The following NUDT12 variants were observed in gnomAD, a reference collection of about 807,000 sequenced individuals.
NUDT12 encodes NAD-capped RNA hydrolase NUDT12.
A neutral mutation model predicts 45.7 loss-of-function variants in NUDT12; 42 were observed. The observed-to-expected ratio is 0.92, with a 90% confidence interval of 0.72 to 1.19. The LOEUF is 1.19. Ranked by LOEUF, NUDT12 falls within the 50% of genes most tolerant of loss-of-function variation. The pLI is 0.00. For missense variants in NUDT12, 590 were observed against 533.1 expected (o/e 1.11, Z -1.05); for synonymous variants, 206 against 179.7 (o/e 1.15, Z -1.17).
rs762186408 is a variant in NUDT12, at chr5:103,558,889, T to G, written c.786A>C (p.Glu262Asp). 6.4e-7 allele frequency: 1 copy of G among 1,560,182 alleles called. No individual in the cohort carries two copies. The highest frequency in any genetic ancestry group is 8.6e-7 in the Non-Finnish European group (1 of 1,158,912). ...GCATTCATTTCTTACCAGCTTCTTTTTCTTTCAATTGCAGAAGGGCTGGCA... is the reference window on the plus strand; with the variant it reads ...GCATTCATTTCTTACCAGCTTCTTTGTCTTTCAATTGCAGAAGGGCTGGCA... ...PPMPALLQLKEKEAGVVAQAR... is the reference protein window; with the variant it reads ...PPMPALLQLKDKEAGVVAQAR... The change falls in exon 3 of 7, where the codon GAA becomes GAC. Residue 262 changes from glutamate (E) to aspartate (D), a missense_variant. Coordinates refer to ENST00000230792, the MANE Select transcript of NUDT12 (RefSeq NM_031438.4).
intron 5 of NUDT12, among the ~76,000 whole-genome samples, chr5:103,552,647 A>G (rs1055570803): frequency 6.6e-6 from 1 of 152,212 alleles, no homozygotes; most frequent in Non-Finnish European, 1.5e-5. Context: ...TTTAAGGTAC[A>G]AATTTGTCAG....
intron 5 of NUDT12, among the ~76,000 whole-genome samples, chr5:103,553,211 T>G (rs374413731): frequency 6.6e-6 from 1 of 152,016 alleles, no homozygotes; most frequent in South Asian, 2.1e-4. Context: ...AATATAATTA[T>G]AGACTAGTGT....
chr5:103,557,334 G>A lies in NUDT12; in HGVS notation c.797-1236C>T, dbSNP rs566623696. On this transcript the variant is annotated intron_variant, in intron 3 of 6. Coordinates refer to ENST00000230792, the MANE Select transcript of NUDT12 (RefSeq NM_031438.4). The stretch of plus-strand genomic sequence containing the variant: ...AAAGAAAATAAATTTTCTTAAAAAA[G>A]TTTGATGATTTCTCCACAGGTGTGG... Among the ~76,000 whole-genome samples, 368 of 130,324 alleles carry A rather than the reference G, an allele frequency of 2.8e-3. 3 individuals carry two copies. The highest frequency in any genetic ancestry group is 4.7e-3 in the Non-Finnish European group (285 of 60,746). The allele number at this position is 130,324 out of a possible 152,430, so 85.5% of individuals were successfully genotyped here. A position where few individuals can be genotyped will look rare whatever the true frequency, so the allele number is the denominator to read the frequency against.
In NUDT12 at chr5:103,552,331, T is replaced by G. The variant is rs781416184; in HGVS notation, c.1164A>C (p.Gln388His). The change falls in exon 6 of 7, where the codon CAA becomes CAC. Residue 388 changes from glutamine (Q) to histidine (H), a missense_variant. Coordinates refer to ENST00000230792, the MANE Select transcript of NUDT12 (RefSeq NM_031438.4). ...TTAAGGAGGAAGGCATTGGCCATGG[T>G]TGACAAGCAACATACTGAACATGGC... ...KVGHVQYVAC[Q>H]PWPMPSSLMI... 6.2e-7 allele frequency: 1 copy of G among 1,613,952 alleles called. No individual in the cohort carries two copies. The highest frequency in any genetic ancestry group is 1.1e-5 in the South Asian group (1 of 91,074).
At chr5:103,551,267 C>A (rs1748646885) in intron 6 of NUDT12, among the ~76,000 whole-genome samples, 1 of 151,924 alleles carries the variant, frequency 6.6e-6, no homozygotes, top group Non-Finnish European at 1.5e-5. Context: ...ACCATAGGTG[C>A]ACCTGGCTAA....
rs1479607402 is a variant in NUDT12 at position 103,553,705 on chromosome 5, TTAAAA to T, written c.1078+1030_1078+1034del. On this transcript the variant is annotated intron_variant, in intron 5 of 6. Transcript: ENST00000230792. Reference sequence around the variant, plus strand: ...TGCAGTGCTGTTTGTAATAAGAACTTTAAAATAAACTAAATGTCCAATCAGCAGAA... The same window carrying T: ...TGCAGTGCTGTTTGTAATAAGAACTTTAAACTAAATGTCCAATCAGCAGAA... Among the ~76,000 whole-genome samples, 5 of 152,122 alleles carry T rather than the reference TTAAAA, an allele frequency of 3.3e-5. No individual in the cohort carries two copies. The East Asian group carries it at 7.7e-4, about 24-fold the overall frequency.
chr5:103,552,716 C>T (rs911715976), intron 5 of NUDT12, among the ~76,000 whole-genome samples: 1 of 152,056 alleles, frequency 6.6e-6, no homozygotes, highest in African/African-American at 2.4e-5. Flanking sequence ...ACTGGTTAAA[C>T]ACTATGCAAA....
chr5:103,558,814 C>A, intron 3 of NUDT12, 65 bp downstream of exon 3: 1 of 1,118,692 alleles, frequency 8.9e-7, no homozygotes, highest in Non-Finnish European at 1.3e-6. Context: ...AGTGCAAATA[C>A]ATACAACTCC....
At chr5:103,558,737 A>T in intron 3 of NUDT12, 142 bp downstream of exon 3, 1 of 586,916 alleles carries the variant, frequency 1.7e-6, no homozygotes, top group Admixed American at 3.3e-5. Context: ...TAGGGTGAGA[A>T]CTTTAAGAAG....
intron 3 of NUDT12, among the ~76,000 whole-genome samples, chr5:103,558,488 GT>G (rs1748905727): frequency 6.6e-6 from 1 of 152,044 alleles, no homozygotes; most frequent in Non-Finnish European, 1.5e-5. Flanking sequence ...TTAAACACAG[GT>G]TAGGTTACAT....
chr5:103,560,180 T>A lies in NUDT12; in HGVS notation c.69A>T (p.Gly23=), dbSNP rs1269409280. Reference sequence around the variant, plus strand: ...GTATTCCTGTTAACTTGGCAATATCTCCTTCAGCAGCTGAACAGTGAAACT... The same window carrying A: ...GTATTCCTGTTAACTTGGCAATATCACCTTCAGCAGCTGAACAGTGAAACT... ...VTQFHCSAAE[G]DIAKLTGILS... Residue 23 remains glycine (G), a synonymous_variant, in exon 2 of 7, where the codon GGA becomes GGT. Coordinates refer to ENST00000230792, the MANE Select transcript of NUDT12 (RefSeq NM_031438.4). 1 of 1,613,706 alleles carries A rather than the reference T, an allele frequency of 6.2e-7. No individual in the cohort carries two copies. Among genetic ancestry groups the A allele is most frequent in the African/African-American group, 1.3e-5 (1 of 74,924 alleles).
chr5:103,558,808 C>G, intron 3 of NUDT12, 71 bp downstream of exon 3: 2 of 1,055,906 alleles, frequency 1.9e-6, no homozygotes, highest in Non-Finnish European at 2.7e-6. Context: ...CTGGAAAGTG[C>G]AAATACATAC....
intron 4 of NUDT12, 87 bp from the exon 5 acceptor site, chr5:103,554,940 A>C: frequency 1.9e-6 from 1 of 531,540 alleles, no homozygotes; most frequent in Non-Finnish European, 3.5e-6. Flanking sequence ...GGATAATATA[A>C]AGGTATATCT....
intron 5 of NUDT12, among the ~76,000 whole-genome samples, chr5:103,553,944 C>A (rs540724965): frequency 6.6e-6 from 1 of 152,028 alleles, no homozygotes; most frequent in Admixed American, 6.6e-5. Context: ...TGCAAAATCA[C>A]TGTAATAGTG....
At chr5:103,561,829 A>C (rs1168176202) in intron 1 of NUDT12, among the ~76,000 whole-genome samples, 1 of 152,198 alleles carries the variant, frequency 6.6e-6, no homozygotes, top group Non-Finnish European at 1.5e-5. Context: ...GGTAACTGCA[A>C]AATTGTCCTT....
rs1562617051 is a variant in NUDT12, at chr5:103,552,563, T to A, written c.1079-147A>T. ...CAGAAGCCTAAAACTAGACTGTAAT[T>A]GAAGAAAACAATTTTTTTAAAGTAC... On this transcript the variant is annotated intron_variant, in intron 5 of 6. Transcript: ENST00000230792. 5.0e-6 allele frequency: 3 copies of A among 598,040 alleles called. No individual in the cohort carries two copies. The South Asian group carries it at 6.9e-5, about 14-fold the overall frequency. 37.0% of individuals were successfully genotyped at this position (598,040 alleles called of 1,614,324 possible).
At position 103,560,170 on chromosome 5, in the gene NUDT12, T is replaced by A. The variant is rs748097669; in HGVS notation, c.79A>T (p.Lys27Ter). 1 of 1,613,776 alleles carries A rather than the reference T, an allele frequency of 6.2e-7. No individual in the cohort carries two copies. Among genetic ancestry groups the A allele is most frequent in the Non-Finnish European group, 8.5e-7 (1 of 1,179,676 alleles). ...GAATGACTGAGTATTCCTGTTAACTTGGCAATATCTCCTTCAGCAGCTGAA... is the reference window on the plus strand; with the variant it reads ...GAATGACTGAGTATTCCTGTTAACTAGGCAATATCTCCTTCAGCAGCTGAA... Reference protein sequence around the residue: ...HCSAAEGDIAKLTGILSHSPS... With the variant: ...HCSAAEGDIA The change falls in exon 2 of 7, where the codon AAG becomes TAG. Residue 27 changes from lysine (K) to a stop codon, truncating the protein, a stop_gained. Coordinates refer to ENST00000230792, the MANE Select transcript of NUDT12 (RefSeq NM_031438.4). LOFTEE classifies it high-confidence loss of function.
At chr5:103,552,470 T>A in intron 5 of NUDT12, 54 bp from the exon 6 acceptor site, 3 of 1,359,426 alleles carry the variant, frequency 2.2e-6, no homozygotes, top group Non-Finnish European at 3.1e-6. Context: ...CGGGACACTT[T>A]GTGTCCTGAA....
chr5:103,554,019 T>C (rs895014607), intron 5 of NUDT12, among the ~76,000 whole-genome samples: 1 of 152,052 alleles, frequency 6.6e-6, no homozygotes, highest in Non-Finnish European at 1.5e-5. Flanking sequence ...GATACTGTTT[T>C]ATATATATGA....
Sources: gnomAD v4.1 joint callset for allele counts (sites outside exome capture counted in the v4.1 genomes callset) on GRCh38, gnomAD v4.1.1 for gene constraint, MANE v1.5 for transcripts, NCBI Gene and HGNC (gene_info 2026-07-23, HGNC 2026-07-21) for gene names.